KCNIP4: variants seen among roughly 807,000 people sequenced by gnomAD.
KCNIP4 encodes Kv channel-interacting protein 4.
In KCNIP4, 12 loss-of-function variants were observed where a neutral mutation model predicts 34.0. That is an observed-to-expected ratio of 0.35 (90% CI 0.23 to 0.57). The LOEUF (loss-of-function observed/expected upper bound fraction) is 0.57, where lower values mean the gene tolerates loss of function less well. Among genes scored for constraint, KCNIP4 ranks in the 20% least tolerant of loss-of-function variants. The pLI is 0.83. For missense variants in KCNIP4, 238 were observed against 311.7 expected, an observed-to-expected ratio of 0.76 and a Z score of 1.78; for synonymous variants, 124 against 102.2, an observed-to-expected ratio of 1.21 and a Z score of -1.29.
At chr4:20,903,276 C>T (rs1259386287) in intron 1 of KCNIP4, among the ~76,000 whole-genome samples, 2 of 152,238 alleles carry the variant, frequency 1.3e-5, no homozygotes, top group African/African-American at 2.4e-5. Flanking sequence ...GAACAGCAAC[C>T]CTATGTCTTT....
chr4:21,361,868 G>A (rs1560328540), intron 1 of KCNIP4, among the ~76,000 whole-genome samples: 1 of 151,984 alleles, frequency 6.6e-6, no homozygotes, highest in East Asian at 1.9e-4. Flanking sequence ...ACTAAAATTA[G>A]CAGGAATTTA....
At chr4:20,748,638 AGAG>A (rs1752960542) in intron 5 of KCNIP4, among the ~76,000 whole-genome samples, 1 of 144,940 alleles carries the variant, frequency 6.9e-6, no homozygotes, top group Non-Finnish European at 1.5e-5. Context: ...TATATGGAAA[AGAG>A]AAACTGGAAT....
At chr4:21,042,053 C>T (rs1432435617) in intron 1 of KCNIP4, among the ~76,000 whole-genome samples, 2 of 152,206 alleles carry the variant, frequency 1.3e-5, no homozygotes. Context: ...TCAGGGCTTG[C>T]TCAGTCAATA....
chr4:21,533,314 C>T (rs1023668996), intron 1 of KCNIP4, among the ~76,000 whole-genome samples: 2 of 152,014 alleles, frequency 1.3e-5, no homozygotes, highest in Non-Finnish European at 2.9e-5. Context: ...GCTCTGTTTG[C>T]TATTCAAAAT....
At chr4:20,777,335 C>T (rs191184937) in intron 3 of KCNIP4, among the ~76,000 whole-genome samples, 24 of 152,296 alleles carry the variant, frequency 1.6e-4, no homozygotes, top group Admixed American at 1.1e-3. Flanking sequence ...TCAATTACCT[C>T]CCACTGGATC....
At chr4:21,320,964 TAAAAAAA>T (rs528123961) in intron 1 of KCNIP4, among the ~76,000 whole-genome samples, 1 of 102,918 alleles carries the variant, frequency 9.7e-6, no homozygotes, top group Non-Finnish European at 1.9e-5. Flanking sequence ...GAATCTGTCT[TAAAAAAA>T]AAAAAAAAAA....
chr4:20,758,302 A>G (rs1754651153), intron 4 of KCNIP4, among the ~76,000 whole-genome samples: 1 of 152,210 alleles, frequency 6.6e-6, no homozygotes, highest in Non-Finnish European at 1.5e-5. Flanking sequence ...ACAGTAAAGA[A>G]TTACTGAAAG....
chr4:21,297,102 G>GTATATATATATATA (rs35254813), intron 1 of KCNIP4, among the ~76,000 whole-genome samples: 5 of 144,290 alleles, frequency 3.5e-5, no homozygotes, highest in African/African-American at 1.3e-4. Context: ...TCAAATATGT[G>GTATATATATATATA]TATATATATA....
chr4:21,421,132 A>G (rs1466326600), intron 1 of KCNIP4, among the ~76,000 whole-genome samples: 3 of 152,210 alleles, frequency 2.0e-5, no homozygotes, highest in African/African-American at 7.2e-5. Context: ...AAGAGAAAAG[A>G]TAGCTAGTGT....
intron 1 of KCNIP4, among the ~76,000 whole-genome samples, chr4:21,607,200 T>A (rs779941671): frequency 3.3e-5 from 5 of 152,078 alleles, no homozygotes; most frequent in Non-Finnish European, 4.4e-5. Context: ...ACTATGCAAC[T>A]CTGGACTAAT....
At chr4:21,363,616 A>T (rs1211536099) in intron 1 of KCNIP4, among the ~76,000 whole-genome samples, 1 of 152,194 alleles carries the variant, frequency 6.6e-6, no homozygotes, top group Non-Finnish European at 1.5e-5. Flanking sequence ...CAAGCTGGGC[A>T]GTAAAACATA....
chr4:21,098,839 T>G (rs1405750217), intron 1 of KCNIP4, among the ~76,000 whole-genome samples: 1 of 152,198 alleles, frequency 6.6e-6, no homozygotes, highest in African/African-American at 2.4e-5. Flanking sequence ...AAAGAAGACA[T>G]TTATGTGGCC....
intron 1 of KCNIP4, among the ~76,000 whole-genome samples, chr4:21,750,037 T>G (rs1226218893): frequency 7.9e-5 from 12 of 152,090 alleles, no homozygotes; most frequent in African/African-American, 2.9e-4. Context: ...CATTTGTAAG[T>G]TTTATATCAC....
intron 1 of KCNIP4, among the ~76,000 whole-genome samples, chr4:21,725,006 A>G (rs1303980696): frequency 6.6e-6 from 1 of 152,090 alleles, no homozygotes; most frequent in Non-Finnish European, 1.5e-5. Flanking sequence ...TTAGCTTCAC[A>G]GAAGTTCCTG....
chr4:20,910,754 C>G (rs914172686), intron 1 of KCNIP4, among the ~76,000 whole-genome samples: 1 of 152,120 alleles, frequency 6.6e-6, no homozygotes, highest in Non-Finnish European at 1.5e-5. Context: ...AATAAAACTT[C>G]CCTCTTCTTA....
chr4:21,829,532 A>T (rs1396328191), intron 1 of KCNIP4, among the ~76,000 whole-genome samples: 1 of 152,104 alleles, frequency 6.6e-6, no homozygotes, highest in African/African-American at 2.4e-5. Flanking sequence ...AAAGAACAGC[A>T]AGAATGAGTT....
At chr4:21,260,997 C>A (rs1306023384) in intron 1 of KCNIP4, among the ~76,000 whole-genome samples, 2 of 152,148 alleles carry the variant, frequency 1.3e-5, no homozygotes, top group Non-Finnish European at 2.9e-5. Context: ...CTCTTCTTTT[C>A]AGCTAAACAT....
In KCNIP4 at chr4:21,826,280, T is replaced by A. The variant is rs116716145; in HGVS notation, c.61+122291A>T. On this transcript the variant is annotated intron_variant, in intron 1 of 8. Transcript: ENST00000382152. ...TACTCGACTTCGGTAATCCACCATA[T>A]GAATACAGCAAGCATGGAATGTTAA... 4.0e-3 allele frequency among the ~76,000 whole-genome samples: 611 copies of A among 152,270 alleles called. 4 individuals carry two copies. The highest frequency in any genetic ancestry group is 0.014 in the African/African-American group (581 of 41,564).
At chr4:21,459,226 G>T (rs542048773) in intron 1 of KCNIP4, among the ~76,000 whole-genome samples, 2 of 151,958 alleles carry the variant, frequency 1.3e-5, no homozygotes, top group East Asian at 3.9e-4. Context: ...CATAAAAATG[G>T]CTCTCTTTAA....
Sources: allele counts gnomAD v4.1 joint callset (sites outside exome capture counted in the v4.1 genomes callset), GRCh38; gene constraint gnomAD v4.1.1; transcripts MANE v1.5; gene names NCBI Gene and HGNC (gene_info 2026-07-23, HGNC 2026-07-21).